Variants in NCALD observed in about 807,000 individuals in gnomAD.
The protein encoded by NCALD is neurocalcin delta.
Under a neutral mutation model 18.6 loss-of-function variants are expected in NCALD, and 10 were observed. The ratio of observed to expected loss-of-function variants is 0.54; its 90% CI spans 0.33 to 0.91. The LOEUF is 0.91. Ranked by LOEUF, NCALD falls within the 40% of genes least tolerant of loss-of-function variation. The probability of loss-of-function intolerance (pLI) is 0.03; values close to 1 mark genes in which losing one functional copy is unlikely to be tolerated. For synonymous variants in NCALD, 88 were observed against 87.4 expected, an observed-to-expected ratio of 1.01 and a Z score of -0.04; for missense variants, 184 against 247.6, an observed-to-expected ratio of 0.74 and a Z score of 1.72.
At chr8:101,802,774 G>A (rs1189705209) in intron 4 of NCALD, among the ~76,000 whole-genome samples, 2 of 151,734 alleles carry the variant, frequency 1.3e-5, no homozygotes, top group African/African-American at 4.8e-5. Flanking sequence ...AAAGGTTCAT[G>A]AAGTTTAAGG....
At chr8:101,945,237 C>T (rs917602302) in intron 2 of NCALD, among the ~76,000 whole-genome samples, 3 of 152,160 alleles carry the variant, frequency 2.0e-5, no homozygotes, top group Non-Finnish European at 2.9e-5. Context: ...TTTATTGAGC[C>T]TCTACTATGT....
At chr8:102,102,460 G>C (rs1825315344) in intron 1 of NCALD, among the ~76,000 whole-genome samples, 1 of 152,184 alleles carries the variant, frequency 6.6e-6, no homozygotes, top group African/African-American at 2.4e-5. Context: ...CGTCAGAGCT[G>C]GCAGGGACAC....
chr8:101,690,245 T>C, intron 3 of NCALD: 1 of 985,308 alleles, frequency 1.0e-6, no homozygotes, highest in Non-Finnish European at 1.2e-6. Context: ...GCTTTTCCCA[T>C]TCCTGGTGCT....
chr8:102,094,707 T>C (rs1825032247), intron 1 of NCALD, among the ~76,000 whole-genome samples: 1 of 152,244 alleles, frequency 6.6e-6, no homozygotes, highest in African/African-American at 2.4e-5. Context: ...TCCTGATAGA[T>C]GTAATCAATT....
At chr8:102,103,245 A>AC (rs56089317) in intron 1 of NCALD, among the ~76,000 whole-genome samples, 152,091 of 152,156 alleles carry the variant, frequency 1, 76,013 homozygotes, top group Middle Eastern at 1. Context: ...AACACACTCT[A>AC]CCCTTTCTCT....
At chr8:102,070,567 C>G (rs527354311) in intron 1 of NCALD, among the ~76,000 whole-genome samples, 63 of 152,280 alleles carry the variant, frequency 4.1e-4, no homozygotes, top group Admixed American at 3.3e-3. Flanking sequence ...CTTTACAAAT[C>G]TACTGTTTAA....
intron 3 of NCALD, chr8:101,691,925 C>T (rs1380051496): frequency 9.1e-6 from 9 of 985,346 alleles, no homozygotes; most frequent in African/African-American, 1.7e-5. Flanking sequence ...GCAAGAGCTA[C>T]AGAGCCGGGC....
At chr8:102,031,264 A>G (rs1822660305) in intron 1 of NCALD, among the ~76,000 whole-genome samples, 1 of 152,240 alleles carries the variant, frequency 6.6e-6, no homozygotes, top group South Asian at 2.1e-4. Flanking sequence ...ATCCACAGAT[A>G]AACGATAAGG....
chr8:101,989,525 T>G (rs1820962538), intron 2 of NCALD, among the ~76,000 whole-genome samples: 1 of 152,262 alleles, frequency 6.6e-6, no homozygotes, highest in African/African-American at 2.4e-5. Context: ...AATTATAATG[T>G]GGCAACTTGG....
intron 2 of NCALD, among the ~76,000 whole-genome samples, chr8:101,975,865 CT>C (rs1383445253): frequency 6.6e-6 from 1 of 152,160 alleles, no homozygotes; most frequent in Non-Finnish European, 1.5e-5. Context: ...TTCACCTTCA[CT>C]CTCCAACCTA....
Position 101,690,814 on chromosome 8 carries a change from T to C in NCALD, c.485-1408A>G, listed in dbSNP as rs1036849843. ...TACAATGGTAATGACTTCCTCCAGCTTGGCAAGGCATGAGGGAAGGGAGAC... is the reference window on the plus strand; with the variant it reads ...TACAATGGTAATGACTTCCTCCAGCCTGGCAAGGCATGAGGGAAGGGAGAC... On this transcript the variant is annotated intron_variant, in intron 3 of 3. Transcript: ENST00000220931. 4.1e-6 allele frequency: 4 copies of C among 985,278 alleles called. No individual in the cohort carries two copies. The African/African-American group carries it at 7.0e-5, about 17-fold the overall frequency. The allele number at this position is 985,278 out of a possible 1,614,324, so 61.0% of individuals were successfully genotyped here.
intron 4 of NCALD, among the ~76,000 whole-genome samples, chr8:101,804,959 A>G (rs1255001861): frequency 1.3e-5 from 2 of 152,048 alleles, no homozygotes; most frequent in African/African-American, 2.4e-5. Flanking sequence ...CAAAACTTAC[A>G]TGCAACACTA....
intron 1 of NCALD, among the ~76,000 whole-genome samples, chr8:101,743,513 C>A (rs755739095): frequency 3.9e-5 from 6 of 152,244 alleles, no homozygotes; most frequent in African/African-American, 1.4e-4. Flanking sequence ...TTAACCTAAC[C>A]TATTAAGAAA....
chr8:102,069,197 CA>C (rs71268543), intron 1 of NCALD, among the ~76,000 whole-genome samples: 118,066 of 149,424 alleles, frequency 0.79, 47,182 homozygotes, highest in African/African-American at 0.95. Flanking sequence ...GTTCTCACCA[CA>C]AAAAAAAAAA....
Position 101,978,194 on chromosome 8 carries a change from T to G in NCALD, c.-157+42043A>C, listed in dbSNP as rs6996810. On this transcript the variant is annotated intron_variant, in intron 2 of 6. Transcript: ENST00000311028. ...GTTAAAAAAATATGATTACTGTACT[T>G]ATGTATCCCAACTATGTTTACCTCT... 7.8e-3 allele frequency among the ~76,000 whole-genome samples: 1,180 copies of G among 152,216 alleles called. 18 individuals are homozygous for G. The highest frequency in any genetic ancestry group is 0.026 in the African/African-American group (1,073 of 41,546).
At position 101,858,403 on chromosome 8, in the gene NCALD, G is replaced by C. The variant is rs183863267; in HGVS notation, c.-20+28738C>G. The stretch of plus-strand genomic sequence containing the variant: ...TGAGAGGTGGAACTGAAAACAAGAA[G>C]GGTGATAAAAAGGTAGTTAGAAAGC... On this transcript the variant is annotated intron_variant, in intron 4 of 6. Transcript: ENST00000311028. 2.2e-3 allele frequency among the ~76,000 whole-genome samples: 337 copies of C among 152,272 alleles called. 1 individual carries two copies. The South Asian group carries it at 0.023, about 10-fold the overall frequency.
chr8:102,096,676 C>T (rs1657643313), intron 1 of NCALD, among the ~76,000 whole-genome samples: 2 of 151,888 alleles, frequency 1.3e-5, no homozygotes, highest in African/African-American at 4.8e-5. Flanking sequence ...GGCGGGCCAC[C>T]ACTTCATTTA....
rs181149563 is a variant in NCALD, at chr8:102,002,722, C to T, written c.-157+17515G>A. On this transcript the variant is annotated intron_variant, in intron 2 of 6. Transcript: ENST00000311028. ...CAAACTAGAACTCAGGATTAAGAAA[C>T]GCATTCAAAACCGCTCAACTACATG... Among the ~76,000 whole-genome samples, 361 of 152,264 alleles carry T rather than the reference C, an allele frequency of 2.4e-3. 2 individuals are homozygous for T. The highest frequency in any genetic ancestry group is 8.0e-3 in the African/African-American group (334 of 41,554).
At chr8:101,884,876 C>T (rs1258718450) in intron 4 of NCALD, among the ~76,000 whole-genome samples, 7 of 152,058 alleles carry the variant, frequency 4.6e-5, no homozygotes, top group Non-Finnish European at 1.5e-5. Context: ...TTTGGTGTCT[C>T]GTGCTCTCAG....
Sources: gnomAD v4.1 joint callset for allele counts (sites outside exome capture counted in the v4.1 genomes callset) on GRCh38, gnomAD v4.1.1 for gene constraint, MANE v1.5 for transcripts, NCBI Gene and HGNC (gene_info 2026-07-23, HGNC 2026-07-21) for gene names.